The following GRIN3A variants were observed in gnomAD, a reference collection of about 807,000 sequenced individuals.
The protein encoded by GRIN3A is glutamate ionotropic receptor NMDA type subunit 3A.
Under a neutral mutation model 92.4 loss-of-function variants are expected in GRIN3A, and 47 were observed. The ratio of observed to expected loss-of-function variants is 0.51; its 90% CI spans 0.40 to 0.65. The LOEUF (loss-of-function observed/expected upper bound fraction) is 0.65. Ranked by LOEUF, GRIN3A falls within the 30% of genes least tolerant of loss-of-function variation. GRIN3A has a pLI of 0.00. For synonymous variants in GRIN3A, 527 were observed against 540.6 expected (o/e 0.97, Z 0.35); for missense variants, 1,324 against 1,393.1 (o/e 0.95, Z 0.79).
chr9:101,594,963 G>A (rs371906886), intron 6 of GRIN3A: 6 of 1,572,562 alleles, frequency 3.8e-6, no homozygotes, highest in Admixed American at 3.4e-5. Context: ...GGGTCGGAGA[G>A]GGGAGCAGGG....
intron 6 of GRIN3A, among the ~76,000 whole-genome samples, chr9:101,606,679 C>T (rs1049801472): frequency 1.1e-4 from 17 of 151,910 alleles, no homozygotes; most frequent in African/African-American, 4.1e-4. Flanking sequence ...CCTCTTTCTT[C>T]CTGACTAGTT....
intron 6 of GRIN3A, among the ~76,000 whole-genome samples, chr9:101,583,455 T>A (rs1827914695): frequency 6.6e-6 from 1 of 152,220 alleles, no homozygotes; most frequent in African/African-American, 2.4e-5. Context: ...AAATGTGCTG[T>A]GCATATGTGC....
In GRIN3A at chr9:101,737,587, G is replaced by A. The variant is rs1323957690; in HGVS notation, c.393C>T (p.Ala131=). Reference sequence around the variant, plus strand: ...CTTCCACGCGGTTCAGGTTGTCCACGGCAAATAGGAGGGCGTCCCGTGGCC... The same window carrying A: ...CTTCCACGCGGTTCAGGTTGTCCACAGCAAATAGGAGGGCGTCCCGTGGCC... ...ALWPRDALLF[A]VDNLNRVEGL... Residue 131 remains alanine, a synonymous_variant, in exon 1 of 9, where the codon GCC becomes GCT. Coordinates refer to ENST00000361820, the MANE Select transcript of GRIN3A (RefSeq NM_133445.3). 1.2e-6 allele frequency: 2 copies of A among 1,614,028 alleles called. No individual in the cohort carries two copies. Among genetic ancestry groups the A allele is most frequent in the Middle Eastern group, 1.7e-4 (1 of 6,058 alleles).
At chr9:101,610,630 A>ATG (rs1828352951) in intron 6 of GRIN3A, among the ~76,000 whole-genome samples, 1 of 134,896 alleles carries the variant, frequency 7.4e-6, no homozygotes, top group Admixed American at 7.5e-5. Flanking sequence ...TCTATCATCT[A>ATG]TCTATCTACA....
In GRIN3A at chr9:101,594,306, T is replaced by C. The variant is rs73507209; in HGVS notation, c.2767-14946A>G. 2,840 of 1,416,682 alleles carry C rather than the reference T, an allele frequency of 2.0e-3. 51 individuals are homozygous for C. The African/African-American group carries it at 0.036, about 18-fold the overall frequency. The allele number at this position is 1,416,682 out of a possible 1,614,324, so 87.8% of individuals were successfully genotyped here. On this transcript the variant is annotated intron_variant, in intron 6 of 8. Transcript: ENST00000361820. ...GGACATATGGCTTCACAAAAAGAAA[T>C]ACTTCCAGATAAGTCAGAGAGACAG...
At chr9:101,600,650 C>A (rs959461231) in intron 6 of GRIN3A, among the ~76,000 whole-genome samples, 1 of 152,004 alleles carries the variant, frequency 6.6e-6, no homozygotes, top group African/African-American at 2.4e-5. Context: ...ACTCCATGTG[C>A]AAAGAGGCCC....
chr9:101,596,628 CTA>C (rs1828137259), intron 6 of GRIN3A, among the ~76,000 whole-genome samples: 1 of 152,290 alleles, frequency 6.6e-6, no homozygotes, highest in Non-Finnish European at 1.5e-5. Context: ...GGACAGAACT[CTA>C]TCTTTTGGGC....
At chr9:101,622,260 C>G (rs2118867160) in intron 5 of GRIN3A, among the ~76,000 whole-genome samples, 1 of 152,284 alleles carries the variant, frequency 6.6e-6, no homozygotes, top group East Asian at 1.9e-4. Context: ...TCAGAATAGT[C>G]TTGATATCCT....
intron 5 of GRIN3A, among the ~76,000 whole-genome samples, chr9:101,616,147 G>GAATGAATA (rs1828449546): frequency 6.6e-6 from 1 of 152,176 alleles, no homozygotes; most frequent in South Asian, 2.1e-4. Flanking sequence ...ATGAGTGAGT[G>GAATGAATA]AATGAATAAA....
intron 1 of GRIN3A, among the ~76,000 whole-genome samples, chr9:101,727,814 G>T (rs530793017): frequency 6.6e-6 from 1 of 150,420 alleles, no homozygotes; most frequent in South Asian, 2.2e-4. Flanking sequence ...TCAGCCTAAA[G>T]CTGTATTTTG....
At chr9:101,729,684 T>C (rs1373631935) in intron 1 of GRIN3A, among the ~76,000 whole-genome samples, 2 of 152,158 alleles carry the variant, frequency 1.3e-5, no homozygotes, top group African/African-American at 4.8e-5. Flanking sequence ...GTTTTGAGGA[T>C]TCAGATTTGG....
intron 4 of GRIN3A, 108 bp from the exon 5 acceptor site, chr9:101,623,541 G>T: frequency 1.3e-6 from 1 of 765,328 alleles, no homozygotes; most frequent in Non-Finnish European, 2.3e-6. Flanking sequence ...AACACTAAGG[G>T]CCGCACAAGC....
chr9:101,594,790 C>G, intron 6 of GRIN3A: 1 of 1,613,636 alleles, frequency 6.2e-7, no homozygotes, highest in South Asian at 1.1e-5. Context: ...CCGGCAGGGA[C>G]ATGAACTCCT....
intron 1 of GRIN3A, among the ~76,000 whole-genome samples, chr9:101,732,104 C>G (rs1487006708): frequency 1.3e-5 from 2 of 152,138 alleles, no homozygotes; most frequent in Non-Finnish European, 2.9e-5. Context: ...CTAAAATGAG[C>G]AATACTTTCC....
chr9:101,577,645 T>C (rs1827842020), intron 8 of GRIN3A, 123 bp downstream of exon 8: 2 of 770,032 alleles, frequency 2.6e-6, no homozygotes, highest in Admixed American at 3.8e-5. Flanking sequence ...TTATGTTTTA[T>C]TTCCCTCTAT....
At chr9:101,701,418 C>A (rs887048606) in intron 1 of GRIN3A, among the ~76,000 whole-genome samples, 16 of 152,084 alleles carry the variant, frequency 1.1e-4, no homozygotes, top group African/African-American at 3.9e-4. Context: ...CTCTATGTGT[C>A]CATGTAGTCT....
intron 5 of GRIN3A, among the ~76,000 whole-genome samples, chr9:101,615,747 G>A (rs1180411008): frequency 6.6e-6 from 1 of 152,160 alleles, no homozygotes; most frequent in African/African-American, 2.4e-5. Context: ...GCACAGTAGA[G>A]CCCAGTATGT....
chr9:101,716,863 C>A (rs973520301), intron 1 of GRIN3A, among the ~76,000 whole-genome samples: 3 of 152,120 alleles, frequency 2.0e-5, no homozygotes, highest in Non-Finnish European at 4.4e-5. Context: ...TTAAAAAAAT[C>A]CAGTCTGGCT....
At position 101,579,142 on chromosome 9, in the gene GRIN3A, CCCTA is replaced by C. The variant is rs1319222965; in HGVS notation, c.2931+50_2931+53del. The C allele has an allele frequency of 2.2e-4, 350 of 1,582,626 alleles. 1 individual carries two copies. Among genetic ancestry groups the C allele is most frequent in the South Asian group, 1.9e-3 (171 of 90,410 alleles). On this transcript the variant is annotated intron_variant, in intron 7 of 8. Transcript: ENST00000361820. ...GACATAGGGCTCTGGATCCTCCCATCCCTAGGAATTGTACAGTTTAAGAATATTG... is the reference window on the plus strand; with the variant it reads ...GACATAGGGCTCTGGATCCTCCCATCGGAATTGTACAGTTTAAGAATATTG...
Sources: allele counts gnomAD v4.1 joint callset (sites outside exome capture counted in the v4.1 genomes callset), GRCh38; gene constraint gnomAD v4.1.1; transcripts MANE v1.5; gene names NCBI Gene and HGNC (gene_info 2026-07-23, HGNC 2026-07-21).